The following GARNL3 variants were observed in gnomAD, a reference collection of about 807,000 sequenced individuals.
GARNL3 encodes GTPase-activating Rap/Ran-GAP domain-like protein 3.
A neutral mutation model predicts 125.0 loss-of-function variants in GARNL3; 63 were observed. That is an observed-to-expected ratio of 0.50 (90% CI 0.41 to 0.62). The LOEUF (loss-of-function observed/expected upper bound fraction) is 0.62, where lower values mean the gene tolerates loss of function less well. Among genes scored for constraint, GARNL3 ranks in the 20% least tolerant of loss-of-function variants. The pLI is 0.00. For missense variants in GARNL3, 994 were observed against 1,244.0 expected (o/e 0.80, Z 3.02); for synonymous variants, 439 against 457.5 (o/e 0.96, Z 0.52).
In GARNL3 at chr9:127,390,682, A is replaced by G. The variant is rs1832773930; in HGVS notation, c.2785A>G (p.Lys929Glu). The change falls in exon 27 of 28, where the codon AAG becomes GAG. Residue 929 changes from lysine (K) to glutamate (E), a missense_variant. Lys to Glu is a moderately conservative substitution (Grantham distance 56, BLOSUM62 1). Transcript: ENST00000373387. Reference sequence around the variant, plus strand: ...TGGACCCAAGTCAGAAGGAGCGCCAAAGGCCAAATCAAAACCCCGGAAGCG... The same window carrying G: ...TGGACCCAAGTCAGAAGGAGCGCCAGAGGCCAAATCAAAACCCCGGAAGCG... ...EGGPKSEGAP[K>E]AKSKPRKRLE... 1.9e-6 allele frequency: 3 copies of G among 1,614,020 alleles called. No homozygotes were observed. The highest frequency in any genetic ancestry group is 2.5e-6 in the Non-Finnish European group (3 of 1,179,904).
At chr9:127,350,360 G>A (rs921860769) in intron 17 of GARNL3, among the ~76,000 whole-genome samples, 5 of 152,084 alleles carry the variant, frequency 3.3e-5, no homozygotes, top group Admixed American at 2.6e-4. Context: ...CTAGAAGGAG[G>A]GGATTGTAGG....
At chr9:127,306,609 C>A (rs2064962173) in intron 2 of GARNL3, among the ~76,000 whole-genome samples, 3 of 152,122 alleles carry the variant, frequency 2.0e-5, no homozygotes, top group Admixed American at 2.0e-4. Flanking sequence ...CGCCTGTAGT[C>A]CCAGCTACTC....
chr9:127,317,738 AC>A (rs202207613), intron 4 of GARNL3, among the ~76,000 whole-genome samples: 1,976 of 143,498 alleles, frequency 0.014, 52 homozygotes, highest in African/African-American at 0.056. Context: ...AAACAAAACA[AC>A]AACAACAACA....
chr9:127,373,007 G>A (rs535067008), intron 22 of GARNL3, among the ~76,000 whole-genome samples: 56 of 152,308 alleles, frequency 3.7e-4, no homozygotes, highest in African/African-American at 1.1e-3. Context: ...AGAAAGTTTT[G>A]TGTTACCTAA....
At chr9:127,293,023 A>G (rs996221939) in intron 2 of GARNL3, among the ~76,000 whole-genome samples, 1 of 152,324 alleles carries the variant, frequency 6.6e-6, no homozygotes, top group African/African-American at 2.4e-5. Context: ...CAAGGATCGA[A>G]TACTGTTTTA....
Position 127,270,196 on chromosome 9 carries a change from G to C in GARNL3, c.144+5175G>C, listed in dbSNP as rs1276877643. 5.9e-5 allele frequency among the ~76,000 whole-genome samples: 9 copies of C among 152,086 alleles called. No individual in the cohort carries two copies. In the East Asian group the frequency reaches 1.7e-3, roughly 29 times the overall value. Reference sequence around the variant, plus strand: ...TTGAAAAGACTGTCCTTTCCCTATTGAATGGCCTGGTACCCTTGTCAGAAA... The same window carrying C: ...TTGAAAAGACTGTCCTTTCCCTATTCAATGGCCTGGTACCCTTGTCAGAAA... On this transcript the variant is annotated intron_variant, in intron 1 of 27. Coordinates refer to ENST00000373387, the MANE Select transcript of GARNL3 (RefSeq NM_032293.5).
intron 1 of GARNL3, among the ~76,000 whole-genome samples, chr9:127,240,629 C>T (rs924095493): frequency 3.9e-5 from 6 of 152,204 alleles, no homozygotes; most frequent in Non-Finnish European, 7.3e-5. Flanking sequence ...AGGGGCTAGG[C>T]ATGGCATTCA....
Position 127,266,206 on chromosome 9 carries a change from G to T in GARNL3, c.144+1185G>T, listed in dbSNP as rs2063702240. 6.6e-6 allele frequency among the ~76,000 whole-genome samples: 1 copy of T among 152,184 alleles called. No homozygotes were observed. The highest frequency in any genetic ancestry group is 1.5e-5 in the Non-Finnish European group (1 of 68,038). ...TAGGAATTGGTACTGTGAAAGAGATGCATGTAGAGCACCACGGGGGTTCAG... is the reference window on the plus strand; with the variant it reads ...TAGGAATTGGTACTGTGAAAGAGATTCATGTAGAGCACCACGGGGGTTCAG... On this transcript the variant is annotated intron_variant, in intron 1 of 27. Transcript: ENST00000373387. This position sits in a 1 kb window ranked among gnomAD's most constrained non-coding sequence, Gnocchi z 4.0.
At chr9:127,375,139 C>A (rs937618926) in intron 22 of GARNL3, among the ~76,000 whole-genome samples, 1 of 152,058 alleles carries the variant, frequency 6.6e-6, no homozygotes, top group Non-Finnish European at 1.5e-5. Flanking sequence ...ATGGCCCAGC[C>A]GTTCCACTTC....
chr9:127,377,328 CA>C (rs1437211735), intron 22 of GARNL3, among the ~76,000 whole-genome samples: 1 of 137,036 alleles, frequency 7.3e-6, no homozygotes, highest in Non-Finnish European at 1.7e-5. Flanking sequence ...AACGTTAGGA[CA>C]ATTGGACAAA....
intron 2 of GARNL3, among the ~76,000 whole-genome samples, chr9:127,254,613 A>G (rs545830198): frequency 6.6e-6 from 1 of 152,280 alleles, no homozygotes; most frequent in Admixed American, 6.5e-5. Context: ...TACTAAAAAT[A>G]CAAAAATTAA....
chr9:127,388,657 T>G (rs958703515), intron 25 of GARNL3: 2 of 525,966 alleles, frequency 3.8e-6, no homozygotes, highest in Non-Finnish European at 6.8e-6. Context: ...TCTTGTCTAG[T>G]CTTTTTTCCT....
intron 1 of GARNL3, chr9:127,225,395 G>A (rs539027428): frequency 1.0e-6 from 1 of 984,258 alleles, no homozygotes; most frequent in African/African-American, 1.7e-5. Context: ...GCAGCTTCGA[G>A]AGCCCAAGGT....
chr9:127,260,770 G>A (rs2063573301), upstream of GARNL3, among the ~76,000 whole-genome samples: 1 of 152,100 alleles, frequency 6.6e-6, no homozygotes, highest in Admixed American at 6.5e-5. Flanking sequence ...GAGTCATCCT[G>A]GCCCACCAGC....
At chr9:127,367,469 CA>C (rs1341649235) in intron 22 of GARNL3, 11 of 152,134 alleles carry the variant, frequency 7.2e-5, no homozygotes, top group Admixed American at 7.2e-4. Context: ...TTGCAACTTT[CA>C]GTTATGTGTT....
chr9:127,254,425 A>C (rs924178248), intron 2 of GARNL3, among the ~76,000 whole-genome samples: 1 of 152,324 alleles, frequency 6.6e-6, no homozygotes, highest in South Asian at 2.1e-4. Context: ...AAAAACAACT[A>C]TCTGGAAGAA....
intron 2 of GARNL3, among the ~76,000 whole-genome samples, chr9:127,304,441 T>C (rs1395269364): frequency 6.6e-6 from 1 of 151,884 alleles, no homozygotes; most frequent in African/African-American, 2.4e-5. Context: ...TGAACACACA[T>C]ACGTCTGTGT....
intron 17 of GARNL3, 96 bp from the exon 18 acceptor site, chr9:127,353,750 A>G: frequency 2.5e-6 from 2 of 805,620 alleles, no homozygotes; most frequent in Non-Finnish European, 4.5e-6. Flanking sequence ...TTGCCTAGAG[A>G]TAACTTGGGT....
In GARNL3 at chr9:127,266,882, G is replaced by A. The variant is rs182408945; in HGVS notation, c.144+1861G>A. ...TGTGAAAGATGGACTCTTTAAAGAT[G>A]TGGGGAAATCACAGAATATCAGAAT... On this transcript the variant is annotated intron_variant, in intron 1 of 27. Transcript: ENST00000373387. This position sits in a 1 kb window ranked among gnomAD's most constrained non-coding sequence, Gnocchi z 4.0. Among the ~76,000 whole-genome samples the A allele has an allele frequency of 2.6e-5, 4 of 152,308 alleles. No homozygotes were observed. Among genetic ancestry groups the A allele is most frequent in the Admixed American group, 6.5e-5 (1 of 15,294 alleles).
Sources: gnomAD v4.1 joint callset for allele counts (sites outside exome capture counted in the v4.1 genomes callset) on GRCh38, gnomAD v4.1.1 for gene constraint, Gnocchi (gnomAD v3.1) non-coding constraint, MANE v1.5 for transcripts, NCBI Gene and HGNC (gene_info 2026-07-23, HGNC 2026-07-21) for gene names.